NRXN3: variants seen among roughly 807,000 people sequenced by gnomAD.
NRXN3 encodes neurexin 3.
Under a neutral mutation model 137.6 loss-of-function variants are expected in NRXN3, and 32 were observed. The observed-to-expected ratio is 0.23, with a 90% CI of 0.18 to 0.31. The LOEUF is 0.31. Ranked by LOEUF, NRXN3 falls within the 10% of genes least tolerant of loss-of-function variation. The pLI is 1.00. For synonymous variants in NRXN3, 798 were observed against 784.5 expected (o/e 1.02, Z -0.29); for missense variants, 1,574 against 2,062.5 (o/e 0.76, Z 4.59).
At chr14:78,502,681 T>C (rs1253756908) in intron 4 of NRXN3, among the ~76,000 whole-genome samples, 2 of 152,222 alleles carry the variant, frequency 1.3e-5, no homozygotes, top group Admixed American at 1.3e-4. Context: ...CAATTTTACC[T>C]TAGCTACTTT....
At chr14:79,350,532 C>T (rs921888469) in intron 15 of NRXN3, among the ~76,000 whole-genome samples, 61 of 152,326 alleles carry the variant, frequency 4.0e-4, no homozygotes, top group Non-Finnish European at 7.2e-4. Context: ...TAAACTCTCT[C>T]TTCTGCATCC....
chr14:78,269,116 A>G (rs1237678852), intron 2 of NRXN3, among the ~76,000 whole-genome samples: 2 of 152,204 alleles, frequency 1.3e-5, no homozygotes, highest in South Asian at 2.1e-4. Flanking sequence ...TATTCCCAGT[A>G]GTTGGGGATA....
intron 15 of NRXN3, among the ~76,000 whole-genome samples, chr14:79,038,981 G>T (rs764057183): frequency 1.3e-5 from 2 of 152,084 alleles, no homozygotes; most frequent in Non-Finnish European, 2.9e-5. Flanking sequence ...TGGGTTTAGA[G>T]AAGAATATTG....
chr14:79,456,448 C>T (rs539262758), intron 15 of NRXN3, among the ~76,000 whole-genome samples: 1 of 152,256 alleles, frequency 6.6e-6, no homozygotes, highest in African/African-American at 2.4e-5. Flanking sequence ...AAGACCTGGC[C>T]AGGCACAGTG....
chr14:79,666,990 G>A (rs1430729267), intron 17 of NRXN3, among the ~76,000 whole-genome samples: 1 of 151,508 alleles, frequency 6.6e-6, no homozygotes, highest in African/African-American at 2.4e-5. Context: ...GACTTCCTAG[G>A]AGCGGTTCAC....
intron 4 of NRXN3, among the ~76,000 whole-genome samples, chr14:78,621,071 G>C (rs896559071): frequency 2.6e-5 from 4 of 152,188 alleles, no homozygotes; most frequent in Admixed American, 2.0e-4. Context: ...AATATGGGCT[G>C]GGGTGAAGAT....
chr14:79,012,825 A>G (rs928024056), intron 15 of NRXN3, among the ~76,000 whole-genome samples: 6 of 152,144 alleles, frequency 3.9e-5, no homozygotes, highest in Non-Finnish European at 7.4e-5. Context: ...TGGTATAATT[A>G]AGGATTGCTT....
At chr14:79,243,884 T>C (rs2074736063) in intron 15 of NRXN3, among the ~76,000 whole-genome samples, 1 of 152,060 alleles carries the variant, frequency 6.6e-6, no homozygotes, top group African/African-American at 2.4e-5. Flanking sequence ...ATTATAAAAT[T>C]TCCAAGTGAC....
intron 15 of NRXN3, among the ~76,000 whole-genome samples, chr14:79,189,536 AT>A (rs202135476): frequency 2.0e-5 from 3 of 150,834 alleles, no homozygotes; most frequent in East Asian, 2.1e-4. Flanking sequence ...TTGAAGTATA[AT>A]TTAAAAAAAA....
At chr14:78,805,934 A>C (rs989463265) in intron 9 of NRXN3, among the ~76,000 whole-genome samples, 1 of 152,062 alleles carries the variant, frequency 6.6e-6, no homozygotes, top group African/African-American at 2.4e-5. Context: ...TCACACACAC[A>C]CACATACACC....
chr14:78,211,870 G>T (rs1024006087), intron 1 of NRXN3, among the ~76,000 whole-genome samples: 1 of 152,166 alleles, frequency 6.6e-6, no homozygotes. Context: ...TTGTCTTCAT[G>T]GTATAAGTGG....
chr14:79,769,099 G>A (rs532117871), intron 19 of NRXN3, among the ~76,000 whole-genome samples: 1 of 151,856 alleles, frequency 6.6e-6, no homozygotes, highest in Admixed American at 6.6e-5. Flanking sequence ...AACGAGCAAA[G>A]CCTCCAAGAA....
At chr14:78,930,897 C>G (rs2099319886) in intron 10 of NRXN3, among the ~76,000 whole-genome samples, 2 of 152,116 alleles carry the variant, frequency 1.3e-5, no homozygotes, top group Admixed American at 1.3e-4. Flanking sequence ...GCATGTAGTA[C>G]TTAGAATTTT....
chr14:78,914,533 G>T (rs573470757), intron 10 of NRXN3, among the ~76,000 whole-genome samples: 2 of 152,236 alleles, frequency 1.3e-5, no homozygotes, highest in African/African-American at 4.8e-5. Flanking sequence ...TGGCATTTGA[G>T]GAAAGATGGG....
chr14:78,981,373 G>C (rs142633028), intron 14 of NRXN3, among the ~76,000 whole-genome samples: 4 of 152,138 alleles, frequency 2.6e-5, no homozygotes, highest in Non-Finnish European at 5.9e-5. Context: ...ACACACATCC[G>C]TGAGAGGTTA....
chr14:79,770,225 A>G (rs1283790394), intron 19 of NRXN3, among the ~76,000 whole-genome samples: 1 of 152,160 alleles, frequency 6.6e-6, no homozygotes, highest in Admixed American at 6.5e-5. Context: ...TGAGACAGAA[A>G]GTCAACAAGG....
chr14:78,759,447 T>C (rs1318035518), intron 8 of NRXN3, among the ~76,000 whole-genome samples: 4 of 152,218 alleles, frequency 2.6e-5, no homozygotes, highest in Admixed American at 6.5e-5. Context: ...CTTACCCAGA[T>C]ATAACCATTG....
rs745757626 is a variant in NRXN3, at chr14:78,300,024, T to C, written c.757+2164T>C. Among the ~76,000 whole-genome samples the C allele has an allele frequency of 4.6e-5, 7 of 152,222 alleles. 1 individual carries two copies. The highest frequency in any genetic ancestry group is 1.0e-4 in the Non-Finnish European group (7 of 68,040). On this transcript the variant is annotated intron_variant, in intron 4 of 20. Transcript: ENST00000335750. ...TATCCCCTTATCTGTTCTCACCCAT[T>C]TGATGATTACCTAAAAAACCGATAC...
At chr14:78,913,031 A>G (rs957267750) in intron 10 of NRXN3, among the ~76,000 whole-genome samples, 2 of 152,092 alleles carry the variant, frequency 1.3e-5, no homozygotes, top group Non-Finnish European at 2.9e-5. Context: ...AAAGACAGGT[A>G]TGATCTCTCC....
Sources: gnomAD v4.1 joint callset for allele counts (sites outside exome capture counted in the v4.1 genomes callset) on GRCh38, gnomAD v4.1.1 for gene constraint, MANE v1.5 for transcripts, NCBI Gene and HGNC (gene_info 2026-07-23, HGNC 2026-07-21) for gene names.